Variants in RGS6 observed in about 807,000 individuals in gnomAD.
RGS6 encodes regulator of G-protein signaling 6.
A neutral mutation model predicts 78.5 loss-of-function variants in RGS6; 30 were observed. That is an observed-to-expected ratio of 0.38 (90% CI 0.29 to 0.52). RGS6 has a LOEUF of 0.52. Ranked by LOEUF, RGS6 falls within the 20% of genes least tolerant of loss-of-function variation. RGS6 has a pLI of 0.85. For missense variants in RGS6, 495 were observed against 609.7 expected, an observed-to-expected ratio of 0.81 and a Z score of 1.98; for synonymous variants, 206 against 206.0, an observed-to-expected ratio of 1.00 and a Z score of 0.00.
At chr14:72,296,222 C>T (rs936487509) in intron 2 of RGS6, among the ~76,000 whole-genome samples, 10 of 152,144 alleles carry the variant, frequency 6.6e-5, no homozygotes, top group Admixed American at 1.3e-4. Flanking sequence ...GAGTAGTGTT[C>T]CATTGTGTGA....
At chr14:71,951,222 G>A (rs1459379628) in intron 1 of RGS6, among the ~76,000 whole-genome samples, 2 of 152,104 alleles carry the variant, frequency 1.3e-5, no homozygotes, top group Non-Finnish European at 2.9e-5. Context: ...ACTACTATGT[G>A]GCCATAAAAA....
At chr14:72,349,915 A>G (rs1328371435) in intron 2 of RGS6, among the ~76,000 whole-genome samples, 1 of 152,222 alleles carries the variant, frequency 6.6e-6, no homozygotes, top group African/African-American at 2.4e-5. Context: ...CCATCAATGT[A>G]ACTGATACTT....
At chr14:71,978,981 T>A (rs1336342662) in intron 2 of RGS6, among the ~76,000 whole-genome samples, 6 of 148,020 alleles carry the variant, frequency 4.1e-5, no homozygotes, top group Non-Finnish European at 9.0e-5. Flanking sequence ...TTCTTCCTGG[T>A]TTAGTCTTAG....
At chr14:72,001,471 A>AACACACACAC (rs3053057) in intron 2 of RGS6, among the ~76,000 whole-genome samples, 45 of 146,140 alleles carry the variant, frequency 3.1e-4, no homozygotes, top group African/African-American at 8.4e-4. Context: ...ATAAAAACAG[A>AACACACACAC]ACACACACAC....
chr14:72,188,676 T>C (rs1283677810), intron 2 of RGS6, among the ~76,000 whole-genome samples: 3 of 152,216 alleles, frequency 2.0e-5, no homozygotes, highest in Admixed American at 1.3e-4. Context: ...CATTCTGTCA[T>C]GTGCATCACC....
chr14:72,171,983 G>GGGTC lies in RGS6; in HGVS notation c.85-180110_85-180107dup, dbSNP rs532191171. ...CTCTTAACCACACTGCTCTCCTGCA[G>GGGTC]GGTCGATGAGCTTGCCATGCCTCTT... On this transcript the variant is annotated intron_variant, in intron 2 of 17. Coordinates refer to ENST00000553525, the MANE Select transcript of RGS6 (RefSeq NM_001204424.2). 5.9e-5 allele frequency among the ~76,000 whole-genome samples: 9 copies of GGGTC among 152,258 alleles called. No individual in the cohort carries two copies. In the East Asian group the frequency reaches 1.7e-3, roughly 29 times the overall value.
chr14:72,447,265 C>T (rs980061821), intron 3 of RGS6, among the ~76,000 whole-genome samples: 33 of 152,090 alleles, frequency 2.2e-4, no homozygotes, highest in Non-Finnish European at 8.8e-5. Flanking sequence ...GGTGAGGGCA[C>T]CTATTTTGCT....
chr14:72,209,572 T>C (rs1248974254), intron 2 of RGS6, among the ~76,000 whole-genome samples: 1 of 152,150 alleles, frequency 6.6e-6, no homozygotes, highest in East Asian at 1.9e-4. Context: ...CAGGACAATT[T>C]CAAGGTCACT....
At position 72,398,722 on chromosome 14, in the gene RGS6, A is replaced by G. The variant is rs952490457; in HGVS notation, c.184+46528A>G. 2.0e-5 allele frequency among the ~76,000 whole-genome samples: 3 copies of G among 152,262 alleles called. No individual in the cohort carries two copies. The South Asian group carries it at 6.2e-4, about 32-fold the overall frequency. ...AAATTTCCCTCTACACACTGCTTTGAATGTGTCCCAGAGATTCTGGTATGT... is the reference window on the plus strand; with the variant it reads ...AAATTTCCCTCTACACACTGCTTTGGATGTGTCCCAGAGATTCTGGTATGT... On this transcript the variant is annotated intron_variant, in intron 3 of 17. Coordinates refer to ENST00000553525, the MANE Select transcript of RGS6 (RefSeq NM_001204424.2).
chr14:71,952,340 A>G (rs2092400530), intron 1 of RGS6, among the ~76,000 whole-genome samples: 1 of 152,158 alleles, frequency 6.6e-6, no homozygotes, highest in Non-Finnish European at 1.5e-5. Context: ...AGAGGTGTTG[A>G]ATTTGATTAA....
chr14:72,175,370 A>G (rs187130392), intron 2 of RGS6, among the ~76,000 whole-genome samples: 1 of 152,338 alleles, frequency 6.6e-6, no homozygotes, highest in East Asian at 1.9e-4. Flanking sequence ...AACGTTTCAT[A>G]GCCTGTACCA....
chr14:71,891,900 T>C, the RGS6 span, among the ~76,000 whole-genome samples: 2 of 152,126 alleles, frequency 1.3e-5, no homozygotes, highest in Non-Finnish European at 2.9e-5. Flanking sequence ...TTCCCTATTT[T>C]TAAGCACTTC....
chr14:72,606,724 G>A, the RGS6 span, among the ~76,000 whole-genome samples: 1 of 152,180 alleles, frequency 6.6e-6, no homozygotes, highest in African/African-American at 2.4e-5. Context: ...TTGGAGGTGG[G>A]GCCTAGTGGG....
In RGS6 at chr14:72,350,186, G is replaced by A. The variant is rs138171710; in HGVS notation, c.85-1909G>A. ...GCATAATACTCATCTACCTCCTGAA[G>A]GGCTGGGAGCTTAGAATTCTTTCTC... On this transcript the variant is annotated intron_variant, in intron 2 of 17. Transcript: ENST00000553525. 9.9e-5 allele frequency among the ~76,000 whole-genome samples: 15 copies of A among 152,250 alleles called. No homozygotes were observed. The East Asian group carries it at 1.7e-3, about 18-fold the overall frequency.
chr14:72,196,789 C>T (rs1443772523), intron 2 of RGS6, among the ~76,000 whole-genome samples: 1 of 152,240 alleles, frequency 6.6e-6, no homozygotes, highest in Non-Finnish European at 1.5e-5. Flanking sequence ...CCCATCTGGG[C>T]TTCTGTTCTC....
chr14:71,956,357 G>GTGTATATA (rs1555400488), intron 1 of RGS6, among the ~76,000 whole-genome samples: 22 of 150,484 alleles, frequency 1.5e-4, no homozygotes, highest in Middle Eastern at 3.2e-3. Flanking sequence ...GTGTGTGTGT[G>GTGTATATA]TATATTCTAT....
At chr14:72,136,939 T>A (rs1330746445) in intron 2 of RGS6, among the ~76,000 whole-genome samples, 1 of 152,230 alleles carries the variant, frequency 6.6e-6, no homozygotes, top group African/African-American at 2.4e-5. Context: ...TGTTATCCCA[T>A]GTAATTTCCA....
chr14:72,419,449 A>G (rs1447878776), intron 3 of RGS6, among the ~76,000 whole-genome samples: 1 of 152,238 alleles, frequency 6.6e-6, no homozygotes, highest in Non-Finnish European at 1.5e-5. Context: ...AGAGTCCAAG[A>G]CTGCCGGCCT....
chr14:71,981,541 T>G (rs2094453287), intron 2 of RGS6, among the ~76,000 whole-genome samples: 1 of 151,508 alleles, frequency 6.6e-6, no homozygotes, highest in African/African-American at 2.4e-5. Flanking sequence ...AGTGTGCCCC[T>G]GCTGGGGGGT....
Sources: allele counts gnomAD v4.1 joint callset (sites outside exome capture counted in the v4.1 genomes callset), GRCh38; gene constraint gnomAD v4.1.1; transcripts MANE v1.5; gene names NCBI Gene and HGNC (gene_info 2026-07-23, HGNC 2026-07-21).